The following TTF2 variants were observed in gnomAD, a reference collection of about 807,000 sequenced individuals.
TTF2 encodes transcription termination factor 2, also known as RNA polymerase II termination factor.
TTF2 carries 108 observed loss-of-function variants against 142.4 expected under a neutral mutation model. The ratio of observed to expected loss-of-function variants is 0.76; its 90% CI spans 0.65 to 0.89. The LOEUF (loss-of-function observed/expected upper bound fraction) is 0.89, where lower values mean the gene tolerates loss of function less well. Ranked by LOEUF, TTF2 falls within the 40% of genes least tolerant of loss-of-function variation. The pLI, the probability that TTF2 is intolerant of heterozygous loss-of-function variation, is 0.00. For synonymous variants in TTF2, 483 were observed against 506.2 expected, an observed-to-expected ratio of 0.95 and a Z score of 0.61; for missense variants, 1,327 against 1,379.8, an observed-to-expected ratio of 0.96 and a Z score of 0.61.
In TTF2 at chr1:117,079,227, G is replaced by GAGGCT. The variant is rs1647270221; in HGVS notation, c.1702-340_1702-336dup. Among the ~76,000 whole-genome samples the GAGGCT allele has an allele frequency of 6.6e-6, 1 of 152,130 alleles. No individual in the cohort carries two copies. The highest frequency in any genetic ancestry group is 1.5e-5 in the Non-Finnish European group (1 of 68,028). On this transcript the variant is annotated intron_variant, in intron 8 of 22. Transcript: ENST00000369466. This position sits in a 1 kb window ranked among gnomAD's most constrained non-coding sequence, Gnocchi z 4.2. ...TGCACTCTAGCCTGGGCAACAGAGC[G>GAGGCT]AGGCTGTCTCAAAAAAATAAAAATA...
At chr1:117,098,987 A>G (rs546796960) in intron 22 of TTF2, 80 bp downstream of exon 22, 238 of 1,358,436 alleles carry the variant, frequency 1.8e-4, no homozygotes, top group Middle Eastern at 1.9e-4. Context: ...TAGTGTTTTC[A>G]TAGAATTTAA....
intron 19 of TTF2, 109 bp downstream of exon 19, chr1:117,095,476 C>T: frequency 2.0e-6 from 2 of 1,008,840 alleles, no homozygotes; most frequent in Non-Finnish European, 3.1e-6. Context: ...GCAGAAAGCA[C>T]TGAGGTTATA....
At chr1:117,089,713 ATACT>A (rs1259463837) in intron 13 of TTF2, among the ~76,000 whole-genome samples, 1 of 152,024 alleles carries the variant, frequency 6.6e-6, no homozygotes, top group African/African-American at 2.4e-5. Context: ...TAAAAATAAA[ATACT>A]TATTTTTATT....
Position 117,076,931 on chromosome 1 carries a change from C to T in TTF2, c.1573+108C>T, listed in dbSNP as rs528044772. On this transcript the variant is annotated intron_variant, in intron 7 of 22. Transcript: ENST00000369466. This position sits in a 1 kb window ranked among gnomAD's most constrained non-coding sequence, Gnocchi z 4.6. The stretch of plus-strand genomic sequence containing the variant: ...CACACTTTCAGTTAACCTTAGTCAC[C>T]TGTGGTTCAAAAAAAGGTGAGTACA... The T allele has an allele frequency of 4.7e-6, 5 of 1,071,244 alleles. No homozygotes were observed. Among genetic ancestry groups the T allele is most frequent in the Admixed American group, 2.9e-5 (1 of 34,608 alleles). 66.4% of individuals were successfully genotyped at this position (1,071,244 alleles called of 1,614,324 possible). A position where few individuals can be genotyped will look rare whatever the true frequency, so the allele number is the denominator to read the frequency against.
Position 117,074,989 on chromosome 1 carries a change from A to T in TTF2, c.405A>T (p.Pro135=), listed in dbSNP as rs758536931. The change falls in exon 5 of 23, where the codon CCA becomes CCT. Residue 135 remains proline, a synonymous_variant. Transcript: ENST00000369466. The stretch of plus-strand genomic sequence containing the variant: ...AGGTACTTGACAAGAATCAAGAACC[A>T]GCTCTCTGGAAACAGCTCATCAAAG... The part of the protein sequence containing the change: ...PFKVLDKNQE[P]ALWKQLIKGE... The T allele has an allele frequency of 6.2e-7, 1 of 1,614,102 alleles. No homozygotes were observed. The highest frequency in any genetic ancestry group is 2.2e-5 in the East Asian group (1 of 44,880).
At chr1:117,062,359 A>G (rs765409200) in intron 2 of TTF2, 28 bp from the exon 3 acceptor site, 2 of 1,605,102 alleles carry the variant, frequency 1.2e-6, no homozygotes, top group Admixed American at 3.4e-5. Context: ...TGACCTAAAA[A>G]TGTTTTCAAC....
At chr1:117,062,896 G>C (rs1655801752) in intron 3 of TTF2, among the ~76,000 whole-genome samples, 1 of 152,174 alleles carries the variant, frequency 6.6e-6, no homozygotes, top group Non-Finnish European at 1.5e-5. Flanking sequence ...AGTCTATAGA[G>C]CTGGGAGATA....
In TTF2 at chr1:117,086,515, A is replaced by G. The variant is rs916798539; in HGVS notation, c.2153A>G (p.Asn718Ser). 2 of 1,613,552 alleles carry G rather than the reference A, an allele frequency of 1.2e-6. No homozygotes were observed. Among genetic ancestry groups the G allele is most frequent in the South Asian group, 1.1e-5 (1 of 91,040 alleles). ...GCAGAGATCCCAGGTGCAAACCTCA[A>G]TGTGGAGGTGAGGCTGGGGGGCAGC... Reference protein sequence around the residue: ...QEAEIPGANLNVEGTSTPLLR... With the variant: ...QEAEIPGANLSVEGTSTPLLR... The change falls in exon 12 of 23, where the codon AAT (asparagine) becomes AGT (serine). Residue 718 changes from asparagine to serine, a missense_variant. Transcript: ENST00000369466. This position sits in a 1 kb window ranked among gnomAD's most constrained non-coding sequence, Gnocchi z 4.2.
Position 117,097,411 on chromosome 1 carries a change from CTCTT to C in TTF2, c.3253_3256del (p.Leu1085TrpfsTer20), listed in dbSNP as rs749837379. ...TCTAAACCTGACTGGAGGAAATCAC[CTCTT>C]TCTTTTGGACATGCACTGGTAATGA... On this transcript the variant is annotated frameshift_variant, in exon 21 of 23. Coordinates refer to ENST00000369466, the MANE Select transcript of TTF2 (RefSeq NM_003594.4). LOFTEE classifies it high-confidence loss of function. The surrounding 1 kb of genome is among the most constrained non-coding windows in gnomAD (Gnocchi z 4.1). The C allele has an allele frequency of 6.2e-7, 1 of 1,614,098 alleles. No homozygotes were observed. Among genetic ancestry groups the C allele is most frequent in the African/African-American group, 1.3e-5 (1 of 75,022 alleles).
Position 117,075,912 on chromosome 1 carries a change from G to A in TTF2, c.1275+53G>A. ...GAGGTCAGAGCATTGCTTGTTATGGGCAGATATGAGATCTCATTGCTACAG... is the reference window on the plus strand; with the variant it reads ...GAGGTCAGAGCATTGCTTGTTATGGACAGATATGAGATCTCATTGCTACAG... On this transcript the variant is annotated intron_variant, in intron 5 of 22. Coordinates refer to ENST00000369466, the MANE Select transcript of TTF2 (RefSeq NM_003594.4). This position sits in a 1 kb window ranked among gnomAD's most constrained non-coding sequence, Gnocchi z 4.5. 6.5e-7 allele frequency: 1 copy of A among 1,542,474 alleles called. No individual in the cohort carries two copies. The highest frequency in any genetic ancestry group is 2.0e-5 in the Admixed American group (1 of 49,264).
In TTF2 at chr1:117,079,718, T is replaced by A; in HGVS notation, c.1783+69T>A. ...GCATTGTGCTAAACACGTAGTGTTG[T>A]TTCATTTATTCCTCTCAAGAACTCT... On this transcript the variant is annotated intron_variant, in intron 9 of 22. Transcript: ENST00000369466. This position sits in a 1 kb window ranked among gnomAD's most constrained non-coding sequence, Gnocchi z 4.2. The A allele has an allele frequency of 1.4e-6, 2 of 1,423,562 alleles. No homozygotes were observed. Among genetic ancestry groups the A allele is most frequent in the Non-Finnish European group, 2.0e-6 (2 of 1,007,004 alleles). 88.2% of individuals were successfully genotyped at this position (1,423,562 alleles called of 1,614,324 possible). A position where few individuals can be genotyped will look rare whatever the true frequency, so the allele number is the denominator to read the frequency against.
In TTF2 at chr1:117,073,695, G is replaced by A. The variant is rs1570809974; in HGVS notation, c.253G>A (p.Gly85Arg). ...CCGATGCATTAGAAGTAAGGCAGAG[G>A]GGAAACGCTGGTGTGGAAGTATTCC... ...FFRCIRSKAE[G>R]KRWCGSIPWQ... is the part of the protein sequence containing the mutation. Residue 85 changes from glycine (G) to arginine (R), a missense_variant, in exon 4 of 23, where the codon GGG becomes AGG. Coordinates refer to ENST00000369466, the MANE Select transcript of TTF2 (RefSeq NM_003594.4). The surrounding 1 kb of genome is among the most constrained non-coding windows in gnomAD (Gnocchi z 4.4). The A allele has an allele frequency of 1.9e-6, 3 of 1,612,438 alleles. No individual in the cohort carries two copies. Among genetic ancestry groups the A allele is most frequent in the Non-Finnish European group, 2.5e-6 (3 of 1,178,864 alleles).
In TTF2 at chr1:117,077,961, GT is replaced by G; in HGVS notation, c.1620del (p.Ser540ArgfsTer27). On this transcript the variant is annotated frameshift_variant, in exon 8 of 23. Coordinates refer to ENST00000369466, the MANE Select transcript of TTF2 (RefSeq NM_003594.4). LOFTEE classifies it high-confidence loss of function. ...GTTCATGCAGTGTGGAAAATCACAAGTGAAGCCATCGGTCAACTGCATCGCT... is the reference window on the plus strand; with the variant it reads ...GTTCATGCAGTGTGGAAAATCACAAGGAAGCCATCGGTCAACTGCATCGCT... ...DHVHAVWKIT[S>X]EAIGQLHRSL... The G allele has an allele frequency of 6.2e-7, 1 of 1,614,182 alleles. No homozygotes were observed. Among genetic ancestry groups the G allele is most frequent in the Non-Finnish European group, 8.5e-7 (1 of 1,180,036 alleles).
At position 117,087,445 on chromosome 1, in the gene TTF2, C is replaced by G. The variant is rs1648116259; in HGVS notation, c.2160+923C>G. On this transcript the variant is annotated intron_variant, in intron 12 of 22. Transcript: ENST00000369466. This position sits in a 1 kb window ranked among gnomAD's most constrained non-coding sequence, Gnocchi z 4.8. ...TAGCTGGGATAACAGGTGCCCGCCA[C>G]TATGCTCGGCTAATTTTTTGTATTT... Among the ~76,000 whole-genome samples the G allele has an allele frequency of 6.6e-6, 1 of 152,186 alleles. No individual in the cohort carries two copies. Among genetic ancestry groups the G allele is most frequent in the African/African-American group, 2.4e-5 (1 of 41,424 alleles).
rs1570828505 is a variant in TTF2, at chr1:117,079,432, A to G, written c.1702-136A>G. 4 of 779,234 alleles carry G rather than the reference A, an allele frequency of 5.1e-6. No homozygotes were observed. The highest frequency in any genetic ancestry group is 8.5e-6 in the Non-Finnish European group (4 of 470,898). 48.3% of individuals were successfully genotyped at this position (779,234 alleles called of 1,614,324 possible). A position where few individuals can be genotyped will look rare whatever the true frequency, so the allele number is the denominator to read the frequency against. On this transcript the variant is annotated intron_variant, in intron 8 of 22. Transcript: ENST00000369466. The surrounding 1 kb of genome is among the most constrained non-coding windows in gnomAD (Gnocchi z 4.2). ...AGAGAGGGTGCTGTTAAGGACTTCA[A>G]GGTGAAATGAACTGTCTACAGAATA...
intron 13 of TTF2, among the ~76,000 whole-genome samples, chr1:117,089,199 A>G (rs1369727039): frequency 6.6e-6 from 1 of 151,402 alleles, no homozygotes; most frequent in Admixed American, 6.6e-5. Flanking sequence ...CCTTATATAT[A>G]TATGCAAAAA....
chr1:117,101,296 A>G lies in TTF2; in HGVS notation c.3345-84A>G. The G allele has an allele frequency of 2.2e-6, 3 of 1,359,568 alleles. No homozygotes were observed. The highest frequency in any genetic ancestry group is 3.0e-6 in the Non-Finnish European group (3 of 1,015,230). 84.2% of individuals were successfully genotyped at this position (1,359,568 alleles called of 1,614,324 possible). On this transcript the variant is annotated intron_variant, in intron 22 of 22. Coordinates refer to ENST00000369466, the MANE Select transcript of TTF2 (RefSeq NM_003594.4). This position sits in a 1 kb window ranked among gnomAD's most constrained non-coding sequence, Gnocchi z 5.9. ...AGGAAGAAATCTCATTAAAAATGAAAGCATAATAAAAGTTTGAATATATTA... is the reference window on the plus strand; with the variant it reads ...AGGAAGAAATCTCATTAAAAATGAAGGCATAATAAAAGTTTGAATATATTA...
rs1173652930 is a variant in TTF2, at chr1:117,071,001, A to G, written c.219-2660A>G. Among the ~76,000 whole-genome samples, 12 of 152,224 alleles carry G rather than the reference A, an allele frequency of 7.9e-5. No homozygotes were observed. In the East Asian group the frequency reaches 2.1e-3, roughly 27 times the overall value. On this transcript the variant is annotated intron_variant, in intron 3 of 22. Coordinates refer to ENST00000369466, the MANE Select transcript of TTF2 (RefSeq NM_003594.4). The stretch of plus-strand genomic sequence containing the variant: ...TTAGGAAGTTAGAAAAAGAACAATA[A>G]ATTAAACTGAAGGAAAGCAGAAGGA...
rs187026310 is a variant in TTF2 at position 117,106,496 on chromosome 1, T to C, written c.*4972T>C. Reference sequence around the variant, plus strand: ...AAATGTATATTGAACACTTTTTATATGCCAGGCACTGCTGGGCACTGGAAA... The same window carrying C: ...AAATGTATATTGAACACTTTTTATACGCCAGGCACTGCTGGGCACTGGAAA... On this transcript the variant is annotated 3_prime_UTR_variant, in exon 23 of 23. Coordinates refer to ENST00000369466, the MANE Select transcript of TTF2 (RefSeq NM_003594.4). 16 of 152,346 alleles carry C rather than the reference T, an allele frequency of 1.1e-4. No homozygotes were observed. The East Asian group carries it at 2.5e-3, about 24-fold the overall frequency. 9.4% of individuals were successfully genotyped at this position (152,346 alleles called of 1,614,324 possible).
Sources: gnomAD v4.1 joint callset for allele counts (sites outside exome capture counted in the v4.1 genomes callset) on GRCh38, gnomAD v4.1.1 for gene constraint, Gnocchi (gnomAD v3.1) non-coding constraint, MANE v1.5 for transcripts, NCBI Gene and HGNC (gene_info 2026-07-23, HGNC 2026-07-21) for gene names.